ADAMTSL1: variants seen among roughly 807,000 people sequenced by gnomAD.
The protein encoded by ADAMTSL1 is ADAMTS like 1, also known as ADAMTS-like protein 1.
ADAMTSL1 carries 126 observed loss-of-function variants against 201.8 expected under a neutral mutation model. The observed-to-expected ratio is 0.62, with a 90% CI of 0.54 to 0.72. The LOEUF is 0.72. Among genes scored for constraint, ADAMTSL1 ranks in the 30% least tolerant of loss-of-function variants. The probability of loss-of-function intolerance (pLI) is 0.00; values close to 1 mark genes in which losing one functional copy is unlikely to be tolerated. For synonymous variants in ADAMTSL1, 1,121 were observed against 903.4 expected, an observed-to-expected ratio of 1.24 and a Z score of -4.32; for missense variants, 2,679 against 2,277.8, an observed-to-expected ratio of 1.18 and a Z score of -3.59.
chr9:18,742,530 G>T (rs1818895347), intron 15 of ADAMTSL1, among the ~76,000 whole-genome samples: 1 of 152,192 alleles, frequency 6.6e-6, no homozygotes, highest in African/African-American at 2.4e-5. Context: ...AAATCCAATG[G>T]AATCTCAAGG....
rs529595266 is a variant in ADAMTSL1 at position 18,255,031 on chromosome 9, A to G, written c.207+91050A>G. 1.3e-3 allele frequency among the ~76,000 whole-genome samples: 194 copies of G among 152,260 alleles called. 1 individual carries two copies. The highest frequency in any genetic ancestry group is 4.5e-3 in the African/African-American group (187 of 41,546). ...TGACCTTACTGGATTTGCAAATGATATTGCATTTATTTTCATTAAATGTTT... is the reference window on the plus strand; with the variant it reads ...TGACCTTACTGGATTTGCAAATGATGTTGCATTTATTTTCATTAAATGTTT... On this transcript the variant is annotated intron_variant, in intron 2 of 29. Coordinates refer to the ADAMTSL1 transcript ENST00000680146.
At chr9:18,489,085 T>C (rs900278841) in intron 1 of ADAMTSL1, among the ~76,000 whole-genome samples, 12 of 152,166 alleles carry the variant, frequency 7.9e-5, no homozygotes, top group African/African-American at 2.9e-4. Context: ...GAGATTCTGA[T>C]ACGGTTGGTC....
rs763688024 is a variant in ADAMTSL1 at position 18,888,010 on chromosome 9, G to T, written c.4429G>T (p.Val1477Leu). The T allele has an allele frequency of 4.3e-6, 7 of 1,613,726 alleles. No homozygotes were observed. Among genetic ancestry groups the T allele is most frequent in the Middle Eastern group, 1.7e-4 (1 of 5,910 alleles). ...FSCLAQNEAG[V>L]LMQKASLVIQ... ...CTGCCTTGCTCAGAATGAGGCAGGG[G>T]TGCTCATGCAGAAGGCATCTTTAGT... Residue 1477 changes from valine (V) to leucine (L), a missense_variant, in exon 24 of 29, where the codon GTG (valine) becomes TTG (leucine). Val to Leu is a conservative substitution (Grantham distance 32, BLOSUM62 1). Transcript: ENST00000380548.
At chr9:18,444,413 T>G (rs1271503250) in intron 2 of ADAMTSL1, among the ~76,000 whole-genome samples, 4 of 152,170 alleles carry the variant, frequency 2.6e-5, no homozygotes, top group African/African-American at 7.2e-5. Flanking sequence ...GGATTTGAAT[T>G]TAGGTCTTTC....
At chr9:18,581,704 T>C (rs1479695065) in intron 4 of ADAMTSL1, among the ~76,000 whole-genome samples, 1 of 152,118 alleles carries the variant, frequency 6.6e-6, no homozygotes, top group African/African-American at 2.4e-5. Flanking sequence ...CAGATTCCCA[T>C]TCCCACTCAA....
chr9:18,587,297 C>G (rs750820695), intron 4 of ADAMTSL1, among the ~76,000 whole-genome samples: 4 of 152,028 alleles, frequency 2.6e-5, no homozygotes, highest in Non-Finnish European at 5.9e-5. Context: ...GAGTAAAGGG[C>G]ATGAACAGGC....
chr9:18,462,918 G>A (rs947226863), intron 2 of ADAMTSL1, among the ~76,000 whole-genome samples: 2 of 151,668 alleles, frequency 1.3e-5, no homozygotes, highest in South Asian at 2.1e-4. Flanking sequence ...CAGCCTGGGC[G>A]ACAGAGTGAG....
chr9:18,280,446 G>A (rs1383077067), intron 2 of ADAMTSL1, among the ~76,000 whole-genome samples: 1 of 151,164 alleles, frequency 6.6e-6, no homozygotes, highest in African/African-American at 2.4e-5. Context: ...TCCTACTGGA[G>A]CTTTTATTGA....
At position 18,589,659 on chromosome 9, in the gene ADAMTSL1, G is replaced by T. The variant is rs1045806684; in HGVS notation, c.474+15393G>T. Reference sequence around the variant, plus strand: ...CATCCTTGTCTCATTTCAGGTTTTAGTGGAAAGGCTTTCAGTTTTTTCTGT... The same window carrying T: ...CATCCTTGTCTCATTTCAGGTTTTATTGGAAAGGCTTTCAGTTTTTTCTGT... On this transcript the variant is annotated intron_variant, in intron 4 of 28. Coordinates refer to ENST00000380548, the MANE Select transcript of ADAMTSL1 (RefSeq NM_001040272.6). Among the ~76,000 whole-genome samples, 10 of 152,108 alleles carry T rather than the reference G, an allele frequency of 6.6e-5. No individual in the cohort carries two copies. The East Asian group carries it at 1.9e-3, about 29-fold the overall frequency.
intron 1 of ADAMTSL1, among the ~76,000 whole-genome samples, chr9:18,098,620 G>C (rs372903907): frequency 3.9e-5 from 6 of 152,196 alleles, no homozygotes; most frequent in African/African-American, 1.4e-4. Context: ...TGCTTTGGAA[G>C]ATCCTTGAGT....
chr9:18,489,424 T>C (rs1210991570), intron 1 of ADAMTSL1, among the ~76,000 whole-genome samples: 2 of 152,178 alleles, frequency 1.3e-5, no homozygotes, highest in East Asian at 1.9e-4. Context: ...CCGATCCTGT[T>C]ACATAGCATG....
At chr9:17,936,438 A>G (rs775044933) in intron 1 of ADAMTSL1, among the ~76,000 whole-genome samples, 1 of 152,166 alleles carries the variant, frequency 6.6e-6, no homozygotes, top group Non-Finnish European at 1.5e-5. Context: ...TCATCCCCAG[A>G]AACTCTGAGA....
At chr9:18,605,075 G>A (rs939594414) in intron 4 of ADAMTSL1, among the ~76,000 whole-genome samples, 3 of 152,090 alleles carry the variant, frequency 2.0e-5, no homozygotes, top group South Asian at 4.1e-4. Context: ...ACAAATGTTC[G>A]GCCATGGAAC....
At chr9:18,614,827 G>T (rs1193949292) in intron 4 of ADAMTSL1, among the ~76,000 whole-genome samples, 2 of 152,064 alleles carry the variant, frequency 1.3e-5, no homozygotes, top group Non-Finnish European at 2.9e-5. Flanking sequence ...CAAGGGTATT[G>T]GAACAACAAA....
chr9:18,787,197 G>A (rs1821756837), intron 19 of ADAMTSL1, among the ~76,000 whole-genome samples: 1 of 152,178 alleles, frequency 6.6e-6, no homozygotes, highest in Non-Finnish European at 1.5e-5. Context: ...AAAGGAAATG[G>A]AGATGACAAA....
intron 4 of ADAMTSL1, among the ~76,000 whole-genome samples, chr9:18,617,394 G>A (rs757446001): frequency 4.2e-4 from 64 of 151,776 alleles, no homozygotes; most frequent in Middle Eastern, 3.4e-3. Flanking sequence ...TAAAGTGAAG[G>A]AAGAAACCCC....
chr9:18,616,912 C>T lies in ADAMTSL1; in HGVS notation c.475-5331C>T, dbSNP rs551639880. Among the ~76,000 whole-genome samples, 61 of 152,184 alleles carry T rather than the reference C, an allele frequency of 4.0e-4. No homozygotes were observed. The South Asian group carries it at 8.7e-3, about 22-fold the overall frequency. ...ATGAGGTTAGAAATGCACTCCCTCC[C>T]CTATTTATTAAAATAATTAGTAAAT... On this transcript the variant is annotated intron_variant, in intron 4 of 28. Coordinates refer to ENST00000380548, the MANE Select transcript of ADAMTSL1 (RefSeq NM_001040272.6).
At chr9:18,120,228 G>A (rs1227337213) in intron 1 of ADAMTSL1, among the ~76,000 whole-genome samples, 1 of 152,170 alleles carries the variant, frequency 6.6e-6, no homozygotes, top group Non-Finnish European at 1.5e-5. Context: ...TTACCACATG[G>A]GCCTCTCCAT....
At chr9:18,333,150 ATT>A (rs577540035) in intron 2 of ADAMTSL1, among the ~76,000 whole-genome samples, 3 of 151,996 alleles carry the variant, frequency 2.0e-5, no homozygotes, top group Non-Finnish European at 2.9e-5. Flanking sequence ...TATTATTTTT[ATT>A]TTTTTATGTT....
Sources: allele counts gnomAD v4.1 joint callset (sites outside exome capture counted in the v4.1 genomes callset), GRCh38; gene constraint gnomAD v4.1.1; transcripts MANE v1.5; gene names NCBI Gene and HGNC (gene_info 2026-07-23, HGNC 2026-07-21).